The following KIFAP3 variants were observed in gnomAD, a reference collection of about 807,000 sequenced individuals.
The protein encoded by KIFAP3 is kinesin associated protein 3, also known as kinesin-associated protein 3.
In KIFAP3, 68 loss-of-function variants were observed where a neutral mutation model predicts 106.5. That is an observed-to-expected ratio of 0.64 (90% CI 0.53 to 0.78). The LOEUF (loss-of-function observed/expected upper bound fraction) is 0.78. KIFAP3 is among the 30% of genes least tolerant of loss of function. The probability of loss-of-function intolerance (pLI) is 0.00; values close to 1 mark genes in which losing one functional copy is unlikely to be tolerated. For missense variants in KIFAP3, 780 were observed against 941.8 expected (o/e 0.83, Z 2.25); for synonymous variants, 320 against 311.5 (o/e 1.03, Z -0.29).
At chr1:169,993,691 A>C (rs9427175) in intron 10 of KIFAP3, among the ~76,000 whole-genome samples, 1,614 of 93,926 alleles carry the variant, frequency 0.017, 7 homozygotes, top group Non-Finnish European at 0.023. Flanking sequence ...ACTGAACGCC[A>C]GCCTGGCCAA....
chr1:170,074,589 G>A lies in KIFAP3; in HGVS notation c.-122C>T. ...GCGATGACAGTCCTGAGGCCTGCAAGGCGGGGCAGCAGCGGCGCTGTGGTT... is the reference window on the plus strand; with the variant it reads ...GCGATGACAGTCCTGAGGCCTGCAAAGCGGGGCAGCAGCGGCGCTGTGGTT... On this transcript the variant is annotated 5_prime_UTR_variant, in exon 1 of 20. Coordinates refer to ENST00000361580, the MANE Select transcript of KIFAP3 (RefSeq NM_014970.4). The A allele has an allele frequency of 6.4e-7, 1 of 1,557,768 alleles. No individual in the cohort carries two copies. The highest frequency in any genetic ancestry group is 2.4e-5 in the East Asian group (1 of 42,096).
At chr1:170,023,005 C>G (rs1668928306) in intron 9 of KIFAP3, among the ~76,000 whole-genome samples, 1 of 152,062 alleles carries the variant, frequency 6.6e-6, no homozygotes. Context: ...AATGGAAGAA[C>G]ATACCTTAAC....
chr1:170,015,421 G>A (rs576887429), intron 10 of KIFAP3, among the ~76,000 whole-genome samples: 2 of 152,158 alleles, frequency 1.3e-5, no homozygotes, highest in East Asian at 1.9e-4. Flanking sequence ...TGTCTACATT[G>A]CTTTGGTTCT....
intron 19 of KIFAP3, among the ~76,000 whole-genome samples, chr1:169,943,737 A>C (rs983252964): frequency 6.6e-6 from 1 of 152,164 alleles, no homozygotes; most frequent in Admixed American, 6.5e-5. Flanking sequence ...TTTACAACTA[A>C]TTTCTATCTG....
intron 17 of KIFAP3, among the ~76,000 whole-genome samples, chr1:169,971,398 C>T (rs979855403): frequency 1.3e-5 from 2 of 151,964 alleles, no homozygotes; most frequent in Non-Finnish European, 2.9e-5. Flanking sequence ...TATTCATAAG[C>T]CCTGTGATCA....
chr1:169,933,804 T>C (rs938285587), intron 19 of KIFAP3, among the ~76,000 whole-genome samples: 8 of 152,254 alleles, frequency 5.3e-5, no homozygotes, highest in Admixed American at 4.6e-4. Flanking sequence ...GTACAAACTA[T>C]GAACTTATCA....
chr1:169,953,161 C>T (rs1276421322), intron 19 of KIFAP3, among the ~76,000 whole-genome samples: 1 of 151,826 alleles, frequency 6.6e-6, no homozygotes, highest in South Asian at 2.1e-4. Flanking sequence ...TACTTTCTGG[C>T]GAGATTTTAA....
At chr1:170,024,337 A>T in intron 9 of KIFAP3, 81 bp downstream of exon 9, 1 of 823,682 alleles carries the variant, frequency 1.2e-6, no homozygotes, top group East Asian at 2.7e-5. Flanking sequence ...GTAGGGGAAT[A>T]AAGTGTTTAA....
intron 1 of KIFAP3, among the ~76,000 whole-genome samples, chr1:170,059,114 A>C (rs1293152554): frequency 6.6e-6 from 1 of 152,190 alleles, no homozygotes; most frequent in Non-Finnish European, 1.5e-5. Flanking sequence ...AAAGAACTAG[A>C]GAAGCAAAAG....
intron 19 of KIFAP3, 51 bp from the exon 20 acceptor site, chr1:169,921,832 C>G: frequency 7.4e-7 from 1 of 1,346,580 alleles, no homozygotes; most frequent in Non-Finnish European, 1.1e-6. Context: ...CACACATCCA[C>G]AATGCAGATT....
Position 169,961,161 on chromosome 1 carries a change from C to T in KIFAP3, c.2058G>A (p.Met686Ile). The T allele has an allele frequency of 6.2e-7, 1 of 1,613,606 alleles. No homozygotes were observed. Among genetic ancestry groups the T allele is most frequent in the South Asian group, 1.1e-5 (1 of 91,054 alleles). Residue 686 changes from methionine to isoleucine, a missense_variant, in exon 18 of 20, where the codon ATG (methionine) becomes ATA (isoleucine). Coordinates refer to ENST00000361580, the MANE Select transcript of KIFAP3 (RefSeq NM_014970.4). ...TCTCATCCATCTGACGACTCTCTAC[C>T]ATCTCCAGCCACTGAGAGTTATGCC... Reference protein sequence around the residue: ...FRWHNSQWLEMVESRQMDESE... With the variant: ...FRWHNSQWLEIVESRQMDESE...
intron 10 of KIFAP3, among the ~76,000 whole-genome samples, chr1:170,006,553 C>T (rs566964204): frequency 6.6e-6 from 1 of 152,176 alleles, no homozygotes; most frequent in East Asian, 1.9e-4. Flanking sequence ...TATGGGGTAG[C>T]AGCTATATTT....
intron 1 of KIFAP3, among the ~76,000 whole-genome samples, chr1:170,063,773 A>C (rs552598373): frequency 6.6e-6 from 1 of 152,252 alleles, no homozygotes; most frequent in Admixed American, 6.5e-5. Flanking sequence ...TATTTTTCTC[A>C]GTATTGCGGG....
At chr1:170,077,856 G>T (rs952424387), upstream of KIFAP3, among the ~76,000 whole-genome samples, 1 of 151,156 alleles carries the variant, frequency 6.6e-6, no homozygotes, top group African/African-American at 2.4e-5. Context: ...CAATGCATTT[G>T]AAGACAATCC....
chr1:170,034,375 C>T lies in KIFAP3; in HGVS notation c.739G>A (p.Ala247Thr). 6.2e-7 allele frequency: 1 copy of T among 1,605,036 alleles called. No individual in the cohort carries two copies. Among genetic ancestry groups the T allele is most frequent in the South Asian group, 1.1e-5 (1 of 88,770 alleles). The change falls in exon 7 of 20, where the codon GCT becomes ACT. Residue 247 changes from alanine (A) to threonine (T), a missense_variant. This residue lies in a region of KIFAP3 where 588 missense variants were observed against 678.9 expected (regional missense o/e 0.87). Coordinates refer to ENST00000361580, the MANE Select transcript of KIFAP3 (RefSeq NM_014970.4). ...WQEELSKKKK[A>T]VDEDPENQTL... ...AAATGCCACTCTAAAAGGATATCAG[C>T]TTTCTTCTTCTTTGAGAGTTCTTCT... is the stretch of plus-strand genomic sequence containing the variant.
intron 19 of KIFAP3, among the ~76,000 whole-genome samples, chr1:169,948,674 G>T (rs1664573469): frequency 6.6e-6 from 1 of 151,896 alleles, no homozygotes; most frequent in African/African-American, 2.4e-5. Flanking sequence ...ATGAGTTTGG[G>T]TTATTAATTA....
chr1:170,008,878 T>C (rs898392681), intron 10 of KIFAP3, among the ~76,000 whole-genome samples: 13 of 152,126 alleles, frequency 8.5e-5, no homozygotes, highest in Admixed American at 7.2e-4. Context: ...CAAATGCCCA[T>C]CAATGATAGA....
rs1264530457 is a variant in KIFAP3, at chr1:169,978,098, T to G, written c.1884A>C (p.Ile628=). Residue 628 remains isoleucine (I), a synonymous_variant, in exon 16 of 20, where the codon ATA becomes ATC. Coordinates refer to ENST00000361580, the MANE Select transcript of KIFAP3 (RefSeq NM_014970.4). ...CTGAAAGGATACGTGTTTCCTTGAT[T>G]ATGACGTCTCTTGTGGCTTGGTGGA... The part of the protein sequence containing the change: ...MVFHQATRDV[I]IKETQAPAYL... 1.2e-6 allele frequency: 2 copies of G among 1,604,370 alleles called. No individual in the cohort carries two copies. Among genetic ancestry groups the G allele is most frequent in the Non-Finnish European group, 8.5e-7 (1 of 1,171,566 alleles).
At chr1:170,056,347 C>T (rs1042148253) in intron 1 of KIFAP3, among the ~76,000 whole-genome samples, 3 of 152,126 alleles carry the variant, frequency 2.0e-5, no homozygotes, top group African/African-American at 7.2e-5. Flanking sequence ...ATAGTAGGTT[C>T]TATGGAAAGG....
Sources: allele counts gnomAD v4.1 joint callset (sites outside exome capture counted in the v4.1 genomes callset), GRCh38; gene constraint gnomAD v4.1.1; regional missense constraint gnomAD v4.1.1; transcripts MANE v1.5; gene names NCBI Gene and HGNC (gene_info 2026-07-23, HGNC 2026-07-21).